The following CD58 variants were observed in gnomAD, a reference collection of about 807,000 sequenced individuals.
The protein encoded by CD58 is CD58 molecule, also known as lymphocyte function-associated antigen 3.
CD58 carries 14 observed loss-of-function variants against 27.6 expected under a neutral mutation model. The observed-to-expected ratio is 0.51, with a 90% CI of 0.34 to 0.79. The LOEUF (loss-of-function observed/expected upper bound fraction) is 0.79. Among genes scored for constraint, CD58 ranks in the 30% least tolerant of loss-of-function variants. The pLI is 0.02. For missense variants in CD58, 268 were observed against 301.7 expected, an observed-to-expected ratio of 0.89 and a Z score of 0.83; for synonymous variants, 117 against 103.8, an observed-to-expected ratio of 1.13 and a Z score of -0.77.
intron 2 of CD58, among the ~76,000 whole-genome samples, chr1:116,540,749 G>T (rs1323855408): frequency 1.3e-5 from 2 of 152,026 alleles, no homozygotes; most frequent in Non-Finnish European, 2.9e-5. Context: ...CTATCCAGTT[G>T]GTCTGACTAA....
intron 4 of CD58, among the ~76,000 whole-genome samples, chr1:116,520,269 GC>G (rs995985745): frequency 4.6e-5 from 7 of 151,998 alleles, no homozygotes; most frequent in Non-Finnish European, 8.8e-5. Flanking sequence ...GCACCACCAT[GC>G]CTGGCTAATT....
Position 116,517,852 on chromosome 1 carries a change from A to G in CD58, c.743+1379T>C, listed in dbSNP as rs887149024. On this transcript the variant is annotated intron_variant, in intron 5 of 5. Coordinates refer to ENST00000369489, the MANE Select transcript of CD58 (RefSeq NM_001779.3). The surrounding 1 kb of genome is among the most constrained non-coding windows in gnomAD (Gnocchi z 6.5). ...ATCACTAGCCAGGTAATACACCAGC[A>G]CCCCAAAATCAACCTGTCAAAGCAA... 5.3e-5 allele frequency among the ~76,000 whole-genome samples: 8 copies of G among 152,138 alleles called. No individual in the cohort carries two copies. The highest frequency in any genetic ancestry group is 1.9e-4 in the African/African-American group (8 of 41,428).
rs943451999 is a variant in CD58, at chr1:116,538,434, C to G, written c.365-2206G>C. On this transcript the variant is annotated intron_variant, in intron 2 of 5. Coordinates refer to ENST00000369489, the MANE Select transcript of CD58 (RefSeq NM_001779.3). This position sits in a 1 kb window ranked among gnomAD's most constrained non-coding sequence, Gnocchi z 4.7. ...ATGCCTGTTCTCAGTATTTCATATA[C>G]TTATGCCTGCCTCTGTAACTAGGCT... Among the ~76,000 whole-genome samples the G allele has an allele frequency of 6.6e-6, 1 of 152,160 alleles. No homozygotes were observed. Among genetic ancestry groups the G allele is most frequent in the African/African-American group, 2.4e-5 (1 of 41,428 alleles).
rs189565141 is a variant in CD58, at chr1:116,524,872, C to T, written c.629-2889G>A. ...CCTCTATTTGGGGTTATTCCACAAA[C>T]TTGATTCATGGCTTAGTAAGTTAGC... On this transcript the variant is annotated intron_variant, in intron 3 of 5. Coordinates refer to ENST00000369489, the MANE Select transcript of CD58 (RefSeq NM_001779.3). This position sits in a 1 kb window ranked among gnomAD's most constrained non-coding sequence, Gnocchi z 4.6. Among the ~76,000 whole-genome samples the T allele has an allele frequency of 1.9e-3, 284 of 152,328 alleles. 1 individual carries two copies. The highest frequency in any genetic ancestry group is 3.5e-3 in the Non-Finnish European group (237 of 68,026).
chr1:116,568,717 G>C (rs1322060473), intron 1 of CD58, among the ~76,000 whole-genome samples: 1 of 152,182 alleles, frequency 6.6e-6, no homozygotes, highest in Non-Finnish European at 1.5e-5. Flanking sequence ...CTATGAAGTG[G>C]GTTTATTATT....
chr1:116,560,839 C>T (rs1409048801), intron 1 of CD58, among the ~76,000 whole-genome samples: 4 of 152,030 alleles, frequency 2.6e-5, no homozygotes, highest in Admixed American at 6.6e-5. Flanking sequence ...TATAGTCACA[C>T]TTTATATTCA....
intron 4 of CD58, among the ~76,000 whole-genome samples, chr1:116,520,639 A>G (rs1325090526): frequency 6.6e-6 from 1 of 152,040 alleles, no homozygotes; most frequent in African/African-American, 2.4e-5. Context: ...TGAGTGGAAA[A>G]TGATTTTGGT....
In CD58 at chr1:116,557,593, T is replaced by C. The variant is rs754043328; in HGVS notation, c.71-12989A>G. ...GCTATGGTTTGAGGAGGTTCACTGA[T>C]GTCATTTCTTTCTTTTCTTTCTTTT... On this transcript the variant is annotated intron_variant, in intron 1 of 5. Transcript: ENST00000369489. The surrounding 1 kb of genome is among the most constrained non-coding windows in gnomAD (Gnocchi z 5.2). 6.6e-6 allele frequency among the ~76,000 whole-genome samples: 1 copy of C among 152,178 alleles called. No homozygotes were observed. Among genetic ancestry groups the C allele is most frequent in the Non-Finnish European group, 1.5e-5 (1 of 68,024 alleles).
chr1:116,518,825 G>A, intron 5 of CD58: 1 of 1,021,322 alleles, frequency 9.8e-7, no homozygotes, highest in Non-Finnish European at 1.2e-6. Context: ...AACTTTTTCT[G>A]GGATGGGAGG....
chr1:116,540,850 C>T (rs967174863), intron 2 of CD58, among the ~76,000 whole-genome samples: 1 of 152,302 alleles, frequency 6.6e-6, no homozygotes, highest in African/African-American at 2.4e-5. Flanking sequence ...TGGTCTGTCA[C>T]CCAGACTGGA....
rs961082474 is a variant in CD58 at position 116,557,614 on chromosome 1, CTTTT to C, written c.71-13014_71-13011del. 3.9e-5 allele frequency among the ~76,000 whole-genome samples: 6 copies of C among 152,168 alleles called. No homozygotes were observed. The highest frequency in any genetic ancestry group is 1.9e-4 in the East Asian group (1 of 5,190). ...CTGATGTCATTTCTTTCTTTTCTTT[CTTTT>C]TATTTTTCTCTTTCTTTCCCTCTCT... On this transcript the variant is annotated intron_variant, in intron 1 of 5. Coordinates refer to ENST00000369489, the MANE Select transcript of CD58 (RefSeq NM_001779.3). This position sits in a 1 kb window ranked among gnomAD's most constrained non-coding sequence, Gnocchi z 5.2.
At chr1:116,547,323 CTTTT>C (rs199788173) in intron 1 of CD58, among the ~76,000 whole-genome samples, 1 of 136,840 alleles carries the variant, frequency 7.3e-6, no homozygotes. Flanking sequence ...TTATTTTGTT[CTTTT>C]TTTTTTTTTT....
Position 116,523,729 on chromosome 1 carries a change from G to C in CD58, c.629-1746C>G, listed in dbSNP as rs1381084993. 6.6e-6 allele frequency among the ~76,000 whole-genome samples: 1 copy of C among 152,176 alleles called. No individual in the cohort carries two copies. Reference sequence around the variant, plus strand: ...AAGTTCATCAAGGGTTTGCAAAGTGGTTTAGTCTATCATTCCTTCTTTACT... The same window carrying C: ...AAGTTCATCAAGGGTTTGCAAAGTGCTTTAGTCTATCATTCCTTCTTTACT... On this transcript the variant is annotated intron_variant, in intron 3 of 5. Transcript: ENST00000369489. The surrounding 1 kb of genome is among the most constrained non-coding windows in gnomAD (Gnocchi z 4.4).
intron 2 of CD58, among the ~76,000 whole-genome samples, chr1:116,542,618 A>C (rs1658027122): frequency 6.6e-6 from 1 of 152,230 alleles, no homozygotes; most frequent in African/African-American, 2.4e-5. Flanking sequence ...TAATGACAGT[A>C]TATATGTATG....
Position 116,532,975 on chromosome 1 carries a change from G to T in CD58, c.628+2990C>A, listed in dbSNP as rs112410778. 3 of 935,884 alleles carry T rather than the reference G, an allele frequency of 3.2e-6. No homozygotes were observed. Among genetic ancestry groups the T allele is most frequent in the African/African-American group, 1.6e-5 (1 of 61,220 alleles). The allele number at this position is 935,884 out of a possible 1,614,324, so 58.0% of individuals were successfully genotyped here. On this transcript the variant is annotated intron_variant, in intron 3 of 5. Transcript: ENST00000369489. The surrounding 1 kb of genome is among the most constrained non-coding windows in gnomAD (Gnocchi z 5.1). ...ATTCCGCCGGCTGGCTGGGTTCCTT[G>T]TTGGGATTAATTTCCACCTCATCCT... is the stretch of plus-strand genomic sequence containing the variant.
Position 116,544,418 on chromosome 1 carries a change from A to G in CD58, c.257T>C (p.Val86Ala), listed in dbSNP as rs758120370. The G allele has an allele frequency of 1.2e-6, 2 of 1,613,580 alleles. No homozygotes were observed. Among genetic ancestry groups the G allele is most frequent in the Admixed American group, 3.3e-5 (2 of 60,008 alleles). Residue 86 changes from valine to alanine, a missense_variant, in exon 2 of 6, where the codon GTG becomes GCG. Val to Ala is a moderately conservative substitution (Grantham distance 64, BLOSUM62 0). Coordinates refer to ENST00000369489, the MANE Select transcript of CD58 (RefSeq NM_001779.3). ...GTTGTAGATAGTGAGGCTACCTGAC[A>G]CAGTGTCTAAATAAACCCTATTTTT... is the stretch of plus-strand genomic sequence containing the variant. ...SFKNRVYLDT[V>A]SGSLTIYNLT...
Position 116,544,349 on chromosome 1 carries a change from T to C in CD58, c.326A>G (p.Asn109Ser), listed in dbSNP as rs1395554473. 6.2e-7 allele frequency: 1 copy of C among 1,610,512 alleles called. No homozygotes were observed. The highest frequency in any genetic ancestry group is 8.5e-7 in the Non-Finnish European group (1 of 1,178,826). The change falls in exon 2 of 6, where the codon AAT becomes AGT. Residue 109 changes from asparagine (N) to serine (S), a missense_variant. By Grantham distance (46) the Asn-to-Ser change is conservative. Transcript: ENST00000369489. Reference sequence around the variant, plus strand: ...AAAGAACTTCATGGTATCAGTAATATTTGGCGATTCCATTTCATACTCATC... The same window carrying C: ...AAAGAACTTCATGGTATCAGTAATACTTGGCGATTCCATTTCATACTCATC... ...DEDEYEMESPNITDTMKFFLY... is the reference protein window; with the variant it reads ...DEDEYEMESPSITDTMKFFLY...
At chr1:116,533,541 T>C (rs994031080) in intron 3 of CD58, 3 of 724,110 alleles carry the variant, frequency 4.1e-6, no homozygotes, top group South Asian at 1.4e-5. Context: ...ATTTCAAGAT[T>C]GGTTCATCAT....
In CD58 at chr1:116,517,880, A is replaced by T. The variant is rs138338262; in HGVS notation, c.743+1351T>A. Among the ~76,000 whole-genome samples, 1,840 of 152,220 alleles carry T rather than the reference A, an allele frequency of 0.012. 38 individuals are homozygous for T. The highest frequency in any genetic ancestry group is 0.042 in the African/African-American group (1,758 of 41,532). On this transcript the variant is annotated intron_variant, in intron 5 of 5. Transcript: ENST00000369489. The surrounding 1 kb of genome is among the most constrained non-coding windows in gnomAD (Gnocchi z 6.5). ...CCAAAATCAACCTGTCAAAGCAAAAATTCATAATTTTCCTTCCCAACCAAG... is the reference window on the plus strand; with the variant it reads ...CCAAAATCAACCTGTCAAAGCAAAATTTCATAATTTTCCTTCCCAACCAAG...
Sources: allele counts gnomAD v4.1 joint callset (sites outside exome capture counted in the v4.1 genomes callset), GRCh38; gene constraint gnomAD v4.1.1; non-coding constraint Gnocchi (gnomAD v3.1); transcripts MANE v1.5; gene names NCBI Gene and HGNC (gene_info 2026-07-23, HGNC 2026-07-21).